The following SUPT3H variants were observed in gnomAD, a reference collection of about 807,000 sequenced individuals.
SUPT3H encodes the protein SPT3 homolog, SAGA and STAGA complex component, also known as transcription initiation protein SPT3 homolog.
In SUPT3H, 44 loss-of-function variants were observed where a neutral mutation model predicts 44.3. That is an observed-to-expected ratio of 0.99 (90% CI 0.78 to 1.28). SUPT3H has a LOEUF of 1.28. SUPT3H is among the 50% of genes most tolerant of loss of function. The probability of loss-of-function intolerance (pLI) is 0.00; values close to 1 mark genes in which losing one functional copy is unlikely to be tolerated. For missense variants in SUPT3H, 380 were observed against 387.1 expected, an observed-to-expected ratio of 0.98 and a Z score of 0.15; for synonymous variants, 124 against 125.6, an observed-to-expected ratio of 0.99 and a Z score of 0.09.
intron 9 of SUPT3H, among the ~76,000 whole-genome samples, chr6:44,944,693 T>TTCAGGC (rs1773014004): frequency 7.3e-6 from 1 of 136,190 alleles, no homozygotes; most frequent in African/African-American, 2.8e-5. Flanking sequence ...GCCTGGGAGA[T>TTCAGGC]TCAGGCTGCA....
chr6:45,087,823 T>C (rs1012044682), intron 3 of SUPT3H, among the ~76,000 whole-genome samples: 3 of 151,974 alleles, frequency 2.0e-5, no homozygotes, highest in South Asian at 2.1e-4. Context: ...TTCAAGAATG[T>C]TGGGAAATTT....
intron 2 of SUPT3H, among the ~76,000 whole-genome samples, chr6:45,247,591 T>A: frequency 6.6e-6 from 1 of 152,140 alleles, no homozygotes; most frequent in East Asian, 1.9e-4. Flanking sequence ...TACAATTCAC[T>A]GCTGGAAGAA....
intron 2 of SUPT3H, among the ~76,000 whole-genome samples, chr6:45,269,277 C>T (rs1262227995): frequency 6.6e-6 from 1 of 152,114 alleles, no homozygotes. Flanking sequence ...TAATATGGTA[C>T]CTACACTGTT....
At chr6:44,876,598 A>G (rs866553641) in intron 10 of SUPT3H, among the ~76,000 whole-genome samples, 1 of 150,676 alleles carries the variant, frequency 6.6e-6, no homozygotes, top group Non-Finnish European at 1.5e-5. Flanking sequence ...GCACATGTAT[A>G]CATATGTAAC....
At position 45,308,525 on chromosome 6, in the gene SUPT3H, C is replaced by A. The variant is rs1016077242; in HGVS notation, c.101+56676G>T. ...TCATAAGTGAAGGAGAAATAAAATA[C>A]TTCACAGAGAAGCAAATGCTGAGAG... On this transcript the variant is annotated intron_variant, in intron 2 of 10. Coordinates refer to ENST00000371459, the MANE Select transcript of SUPT3H (RefSeq NM_003599.4). 6.2e-4 allele frequency among the ~76,000 whole-genome samples: 94 copies of A among 152,102 alleles called. 2 individuals are homozygous for A. The highest frequency in any genetic ancestry group is 3.2e-3 in the Middle Eastern group (1 of 316).
chr6:45,002,314 C>T (rs1160932922), intron 6 of SUPT3H, among the ~76,000 whole-genome samples: 1 of 151,980 alleles, frequency 6.6e-6, no homozygotes, highest in East Asian at 1.9e-4. Flanking sequence ...TGTTCCATTT[C>T]TTCTCTTCTT....
In SUPT3H at chr6:45,003,790, T is replaced by C; in HGVS notation, c.367A>G (p.Lys123Glu). Reference sequence around the variant, plus strand: ...TTCGCATTATTGCTGCCACTCAATTTGTCTTCATGAAGTCAAGGGAAAGAA... The same window carrying C: ...TTCGCATTATTGCTGCCACTCAATTCGTCTTCATGAAGTCAAGGGAAAGAA... ...GIDEDDLLED[K>E]LSGSNNANKR... The change falls in exon 6 of 11, where the codon AAA becomes GAA. Residue 123 changes from lysine to glutamate, a missense_variant and splice_region_variant. Coordinates refer to ENST00000371459, the MANE Select transcript of SUPT3H (RefSeq NM_003599.4). 1 of 1,613,592 alleles carries C rather than the reference T, an allele frequency of 6.2e-7. No homozygotes were observed. Among genetic ancestry groups the C allele is most frequent in the Non-Finnish European group, 8.5e-7 (1 of 1,179,746 alleles).
intron 2 of SUPT3H, among the ~76,000 whole-genome samples, chr6:45,258,664 GCAAA>G (rs1190505024): frequency 6.6e-6 from 1 of 152,098 alleles, no homozygotes; most frequent in Non-Finnish European, 1.5e-5. Flanking sequence ...TTTCAAAAAA[GCAAA>G]CAAACAAAAA....
intron 2 of SUPT3H, among the ~76,000 whole-genome samples, chr6:45,123,650 A>T (rs1801999549): frequency 6.6e-6 from 1 of 152,192 alleles, no homozygotes; most frequent in Admixed American, 6.5e-5. Flanking sequence ...GAAGTGTAAC[A>T]GGTTGGGGAA....
intron 2 of SUPT3H, among the ~76,000 whole-genome samples, chr6:45,356,912 T>C (rs142035655): frequency 7.8e-4 from 119 of 152,348 alleles, no homozygotes; most frequent in African/African-American, 2.8e-3. Flanking sequence ...GAATTTACTG[T>C]AACGAGGCAA....
intron 3 of SUPT3H, among the ~76,000 whole-genome samples, chr6:45,064,706 A>G (rs2153545733): frequency 7.4e-6 from 1 of 135,538 alleles, no homozygotes; most frequent in South Asian, 2.7e-4. Flanking sequence ...ATCAAAAGAG[A>G]CAAAGAAGGC....
intron 3 of SUPT3H, among the ~76,000 whole-genome samples, chr6:45,068,776 T>G (rs1383190264): frequency 6.6e-6 from 1 of 152,084 alleles, no homozygotes; most frequent in Admixed American, 6.6e-5. Flanking sequence ...ATTTTGCCTC[T>G]TCAGTCTCAG....
At chr6:45,119,960 G>A (rs1026048697) in intron 2 of SUPT3H, among the ~76,000 whole-genome samples, 1 of 151,896 alleles carries the variant, frequency 6.6e-6, no homozygotes, top group Non-Finnish European at 1.5e-5. Context: ...ACAATGAGTC[G>A]ATTATATCCA....
intron 10 of SUPT3H, among the ~76,000 whole-genome samples, chr6:44,876,836 G>GAAAA (rs200454659): frequency 2.2e-5 from 2 of 92,246 alleles, no homozygotes; most frequent in Non-Finnish European, 4.2e-5. Flanking sequence ...ATCTTCAATT[G>GAAAA]AAAAAAAAAA....
At chr6:45,258,530 A>G (rs1584535050) in intron 2 of SUPT3H, among the ~76,000 whole-genome samples, 1 of 152,214 alleles carries the variant, frequency 6.6e-6, no homozygotes, top group Non-Finnish European at 1.5e-5. Flanking sequence ...AGAAATAAGA[A>G]AAGTTACCAG....
At chr6:45,094,265 T>C (rs1797509456) in intron 3 of SUPT3H, among the ~76,000 whole-genome samples, 1 of 152,060 alleles carries the variant, frequency 6.6e-6, no homozygotes. Context: ...GATAGGAGTC[T>C]AGCAGACCAG....
intron 2 of SUPT3H, among the ~76,000 whole-genome samples, chr6:45,203,172 C>T (rs1028811933): frequency 1.3e-5 from 2 of 151,978 alleles, no homozygotes; most frequent in African/African-American, 2.4e-5. Context: ...GAGTAAATGG[C>T]GAGGAACACA....
chr6:45,056,703 AG>A (rs1393411446), intron 3 of SUPT3H, among the ~76,000 whole-genome samples: 2 of 152,156 alleles, frequency 1.3e-5, no homozygotes, highest in Non-Finnish European at 2.9e-5. Flanking sequence ...CATGGAGGGA[AG>A]GCTGGGATGG....
chr6:45,284,227 A>C (rs1010741774), intron 2 of SUPT3H, among the ~76,000 whole-genome samples: 1 of 152,212 alleles, frequency 6.6e-6, no homozygotes, highest in African/African-American at 2.4e-5. Context: ...AGCAGAAGGC[A>C]AGAAATAACT....
Sources: allele counts gnomAD v4.1 joint callset (sites outside exome capture counted in the v4.1 genomes callset), GRCh38; gene constraint gnomAD v4.1.1; transcripts MANE v1.5; gene names NCBI Gene and HGNC (gene_info 2026-07-23, HGNC 2026-07-21).